The following SLF1 variants were observed in gnomAD, a reference collection of about 807,000 sequenced individuals.
SLF1 encodes SMC5/6 complex localization factor 1, also known as SMC5-SMC6 complex localization factor protein 1.
SLF1 carries 105 observed loss-of-function variants against 123.0 expected under a neutral mutation model. The observed-to-expected ratio is 0.85, with a 90% CI of 0.73 to 1.00. The LOEUF (loss-of-function observed/expected upper bound fraction) is 1.00. Ranked by LOEUF, SLF1 falls within the 50% of genes least tolerant of loss-of-function variation. SLF1 has a pLI of 0.00. For missense variants in SLF1, 1,239 were observed against 1,223.0 expected (o/e 1.01, Z -0.20); for synonymous variants, 434 against 406.6 (o/e 1.07, Z -0.81).
chr5:94,636,074 A>G (rs1434038129), intron 4 of SLF1, among the ~76,000 whole-genome samples: 2 of 152,142 alleles, frequency 1.3e-5, no homozygotes, highest in African/African-American at 4.8e-5. Context: ...AGGTATTGGC[A>G]GTTTTTTTCC....
chr5:94,690,466 T>G (rs1359873176), intron 18 of SLF1, among the ~76,000 whole-genome samples: 1 of 152,194 alleles, frequency 6.6e-6, no homozygotes, highest in East Asian at 1.9e-4. Flanking sequence ...AAATCAGCGT[T>G]CTTTTTCTTT....
intron 17 of SLF1, 69 bp from the exon 18 acceptor site, chr5:94,689,404 A>G (rs992608056): frequency 2.0e-6 from 3 of 1,470,216 alleles, no homozygotes; most frequent in Non-Finnish European, 2.7e-6. Flanking sequence ...TTTAAAAAAT[A>G]CCATCTAATG....
At chr5:94,691,391 C>G in intron 18 of SLF1, 173 bp from the exon 19 acceptor site, 1 of 193,742 alleles carries the variant, frequency 5.2e-6, no homozygotes, top group Non-Finnish European at 1.0e-5. Context: ...CTTCCCCTTC[C>G]CACCCCCCAC....
chr5:94,619,762 CATT>C (rs1791509734), intron 1 of SLF1, among the ~76,000 whole-genome samples: 1 of 152,164 alleles, frequency 6.6e-6, no homozygotes, highest in Non-Finnish European at 1.5e-5. Flanking sequence ...AAGATGTTCT[CATT>C]ATTGGAAAGT....
chr5:94,651,989 G>C (rs2152479341), intron 7 of SLF1, 144 bp downstream of exon 7: 1 of 344,890 alleles, frequency 2.9e-6, no homozygotes, highest in East Asian at 5.6e-5. Context: ...CAGTTTTTAA[G>C]ACCTGCTGTA....
intron 1 of SLF1, among the ~76,000 whole-genome samples, chr5:94,625,991 A>G (rs567686610): frequency 1.3e-3 from 195 of 152,206 alleles, no homozygotes; most frequent in Non-Finnish European, 1.6e-3. Context: ...GCGGTGGCTC[A>G]CGCTTGTAAT....
chr5:94,688,938 A>G (rs1033291082), intron 17 of SLF1, among the ~76,000 whole-genome samples: 1 of 152,208 alleles, frequency 6.6e-6, no homozygotes, highest in African/African-American at 2.4e-5. Context: ...TTGCCCTATG[A>G]TTTGAATGAC....
chr5:94,664,019 TTTC>T (rs1749447737), intron 11 of SLF1, 111 bp downstream of exon 11: 5 of 1,115,968 alleles, frequency 4.5e-6, no homozygotes, highest in Non-Finnish European at 6.1e-6. Flanking sequence ...AGTGTTTTTT[TTTC>T]TTCATTTCAC....
At chr5:94,677,099 G>GT (rs1165393716) in intron 14 of SLF1, among the ~76,000 whole-genome samples, 2 of 152,038 alleles carry the variant, frequency 1.3e-5, no homozygotes, top group Non-Finnish European at 2.9e-5. Context: ...ATAACATACT[G>GT]TTTATGAGTG....
At chr5:94,633,665 A>G (rs969715074) in intron 4 of SLF1, among the ~76,000 whole-genome samples, 2 of 152,190 alleles carry the variant, frequency 1.3e-5, no homozygotes, top group Admixed American at 6.5e-5. Context: ...AAAAAATTTA[A>G]CGAAGATACT....
At chr5:94,660,477 T>C (rs7735659) in intron 9 of SLF1, among the ~76,000 whole-genome samples, 1 of 152,070 alleles carries the variant, frequency 6.6e-6, no homozygotes, top group Non-Finnish European at 1.5e-5. Flanking sequence ...CTCTGGTGGC[T>C]GTGCTAGTAG....
chr5:94,630,882 A>T, intron 4 of SLF1, 139 bp downstream of exon 4: 7 of 907,862 alleles, frequency 7.7e-6, no homozygotes, highest in Non-Finnish European at 1.1e-5. Flanking sequence ...GTAAGCCATT[A>T]TGCTCGTTTA....
intron 5 of SLF1, among the ~76,000 whole-genome samples, chr5:94,646,666 C>CAGCA (rs1257569444): frequency 6.6e-6 from 1 of 152,108 alleles, no homozygotes; most frequent in African/African-American, 2.4e-5. Flanking sequence ...AAATGAACTA[C>CAGCA]AGCAGTCTTA....
chr5:94,659,720 C>T (rs1441225941), intron 9 of SLF1, among the ~76,000 whole-genome samples: 2 of 152,264 alleles, frequency 1.3e-5, no homozygotes, highest in South Asian at 2.1e-4. Flanking sequence ...GTGGTGGCAG[C>T]AGGCTGTGCA....
chr5:94,643,189 T>C (rs1436012091), intron 4 of SLF1, 84 bp from the exon 5 acceptor site: 2 of 1,117,800 alleles, frequency 1.8e-6, no homozygotes, highest in African/African-American at 3.2e-5. Flanking sequence ...CCATTCGTAC[T>C]CCTAAGAAAT....
At chr5:94,675,567 A>G (rs1029505655) in intron 14 of SLF1, among the ~76,000 whole-genome samples, 8 of 152,156 alleles carry the variant, frequency 5.3e-5, no homozygotes, top group Non-Finnish European at 1.2e-4. Context: ...TCTTGGCCCT[A>G]TTATTGTTAT....
At position 94,689,595 on chromosome 5, in the gene SLF1, C is replaced by CTA; in HGVS notation, c.2409_2410dup (p.Asn804IlefsTer3). ...GTTAAAAAGATGAATTTTCACAAGA[C>CTA]TAATCTAAAAGGTATTCCAAGTATT... On this transcript the variant is annotated frameshift_variant, in exon 18 of 21. Coordinates refer to ENST00000265140, the MANE Select transcript of SLF1 (RefSeq NM_032290.4). LOFTEE classifies it high-confidence loss of function. 1 of 1,608,436 alleles carries CTA rather than the reference C, an allele frequency of 6.2e-7. No homozygotes were observed. Among genetic ancestry groups the CTA allele is most frequent in the Non-Finnish European group, 8.5e-7 (1 of 1,176,064 alleles).
At chr5:94,657,034 A>C (rs1253121226) in intron 9 of SLF1, among the ~76,000 whole-genome samples, 4 of 148,830 alleles carry the variant, frequency 2.7e-5, no homozygotes, top group Admixed American at 6.7e-5. Flanking sequence ...ATATTTATTA[A>C]TTTATAATTA....
Position 94,694,862 on chromosome 5 carries a change from G to T in SLF1, c.2727G>T (p.Lys909Asn). The T allele has an allele frequency of 6.3e-7, 1 of 1,595,262 alleles. No individual in the cohort carries two copies. Among genetic ancestry groups the T allele is most frequent in the South Asian group, 1.1e-5 (1 of 87,286 alleles). Residue 909 changes from lysine to asparagine, a missense_variant, in exon 21 of 21, where the codon AAG becomes AAT. By Grantham distance (94) the Lys-to-Asn change is moderately conservative. Transcript: ENST00000265140. ...TGCTTTTACAACAGAGGAATGCTAA[G>T]GGAGAATTGCCCTTGGATTATGTGG... Reference protein sequence around the residue: ...GPVLLQQRNAKGELPLDYVVS... With the variant: ...GPVLLQQRNANGELPLDYVVS...
Sources: allele counts gnomAD v4.1 joint callset (sites outside exome capture counted in the v4.1 genomes callset), GRCh38; gene constraint gnomAD v4.1.1; transcripts MANE v1.5; gene names NCBI Gene and HGNC (gene_info 2026-07-23, HGNC 2026-07-21).